The following SPTY2D1 variants were observed in gnomAD, a reference collection of about 807,000 sequenced individuals.
The protein encoded by SPTY2D1 is SPT2 chromatin protein domain containing 1.
Under a neutral mutation model 64.0 loss-of-function variants are expected in SPTY2D1, and 21 were observed. The ratio of observed to expected loss-of-function variants is 0.33; its 90% CI spans 0.23 to 0.47. SPTY2D1 has a LOEUF of 0.47. SPTY2D1 is among the 20% of genes least tolerant of loss of function. The pLI, the probability that SPTY2D1 is intolerant of heterozygous loss-of-function variation, is 1.00. For missense variants in SPTY2D1, 724 were observed against 837.2 expected (o/e 0.86, Z 1.67); for synonymous variants, 287 against 286.8 (o/e 1.00, Z -0.01).
intron 1 of SPTY2D1, 50 bp downstream of exon 1, chr11:18,634,148 G>A (rs1190901998): frequency 1.2e-6 from 2 of 1,607,178 alleles, no homozygotes; most frequent in East Asian, 2.2e-5. Context: ...CACACATTCC[G>A]AACTTGGAAG....
intron 1 of SPTY2D1, among the ~76,000 whole-genome samples, chr11:18,623,463 T>G (rs1854448893): frequency 1.0e-5 from 1 of 100,002 alleles, no homozygotes; most frequent in South Asian, 3.3e-4. Context: ...TGATGGTTAA[T>G]TTTATATGTC....
At chr11:18,631,604 A>AC (rs202014263) in intron 1 of SPTY2D1, among the ~76,000 whole-genome samples, 1,392 of 48,448 alleles carry the variant, frequency 0.029, 27 homozygotes, top group African/African-American at 0.071. Context: ...ATAGATAACA[A>AC]AAAAAAAAAA....
At chr11:18,628,921 C>A (rs1299031275) in intron 1 of SPTY2D1, among the ~76,000 whole-genome samples, 1 of 152,166 alleles carries the variant, frequency 6.6e-6, no homozygotes, top group Admixed American at 6.6e-5. Flanking sequence ...CAGACTACTT[C>A]AAGAATTTAC....
Position 18,608,434 on chromosome 11 carries a change from A to T in SPTY2D1, c.*1427T>A, listed in dbSNP as rs531363116. On this transcript the variant is annotated 3_prime_UTR_variant, in exon 6 of 6. Coordinates refer to ENST00000336349, the MANE Select transcript of SPTY2D1 (RefSeq NM_194285.3). The stretch of plus-strand genomic sequence containing the variant: ...CTGTTGAAGTATAAGGGCCTGTTGT[A>T]GGACAATCCCTCCTACTTCCTAATC... The T allele has an allele frequency of 6.6e-6, 1 of 152,320 alleles. No homozygotes were observed. Among genetic ancestry groups the T allele is most frequent in the Non-Finnish European group, 1.5e-5 (1 of 68,044 alleles). The allele number at this position is 152,320 out of a possible 1,614,324, so 9.4% of individuals were successfully genotyped here. A position where few individuals can be genotyped will look rare whatever the true frequency, so the allele number is the denominator to read the frequency against.
intron 1 of SPTY2D1, among the ~76,000 whole-genome samples, chr11:18,627,089 T>C (rs1253256885): frequency 6.6e-6 from 1 of 152,020 alleles, no homozygotes; most frequent in Middle Eastern, 3.2e-3. Flanking sequence ...CCTTATTTTT[T>C]TGTACCAGGC....
rs138793184 is a variant in SPTY2D1 at position 18,615,516 on chromosome 11, G to A, written c.758C>T (p.Ser253Phe). Reference sequence around the variant, plus strand: ...AGCATGAGGAAGGGGCATTCCTTTGGAAGAAGGATGCCTGTCTCCAGAACC... The same window carrying A: ...AGCATGAGGAAGGGGCATTCCTTTGAAAGAAGGATGCCTGTCTCCAGAACC... ...SKGSGDRHPS[S>F]KGMPLPHAEK... The change falls in exon 3 of 6, where the codon TCC becomes TTC. Residue 253 changes from serine (S) to phenylalanine (F), a missense_variant. Ser to Phe is a radical substitution (Grantham distance 155, BLOSUM62 -2). Transcript: ENST00000336349. The A allele has an allele frequency of 2.5e-3, 4,039 of 1,614,190 alleles. 9 individuals carry two copies. Among genetic ancestry groups the A allele is most frequent in the Non-Finnish European group, 3.1e-3 (3,689 of 1,180,036 alleles).
intron 1 of SPTY2D1, among the ~76,000 whole-genome samples, chr11:18,620,879 T>C (rs751558181): frequency 5.3e-4 from 62 of 116,002 alleles, no homozygotes; most frequent in Admixed American, 9.9e-4. Flanking sequence ...AGAGCAAGAC[T>C]CTATCTCAAA....
intron 1 of SPTY2D1, among the ~76,000 whole-genome samples, chr11:18,627,644 C>T (rs1279113635): frequency 2.0e-5 from 3 of 152,000 alleles, no homozygotes; most frequent in Non-Finnish European, 2.9e-5. Context: ...TTTGGGAGGC[C>T]GAGGGGGGTG....
chr11:18,612,594 C>T lies in SPTY2D1; in HGVS notation c.1712-106G>A. Reference sequence around the variant, plus strand: ...TCATTAAGATGGTATCCTTTAAAACCAGAGCAAGCAGGCTGGCCCTTAGCG... The same window carrying T: ...TCATTAAGATGGTATCCTTTAAAACTAGAGCAAGCAGGCTGGCCCTTAGCG... On this transcript the variant is annotated intron_variant, in intron 3 of 5. Transcript: ENST00000336349. The surrounding 1 kb of genome is among the most constrained non-coding windows in gnomAD (Gnocchi z 4.6). 3 of 1,022,356 alleles carry T rather than the reference C, an allele frequency of 2.9e-6. No individual in the cohort carries two copies. The highest frequency in any genetic ancestry group is 2.2e-5 in the South Asian group (1 of 46,366). 63.3% of individuals were successfully genotyped at this position (1,022,356 alleles called of 1,614,324 possible). A position where few individuals can be genotyped will look rare whatever the true frequency, so the allele number is the denominator to read the frequency against.
chr11:18,629,715 T>G (rs1159725109), intron 1 of SPTY2D1, among the ~76,000 whole-genome samples: 3 of 152,216 alleles, frequency 2.0e-5, no homozygotes, highest in African/African-American at 7.2e-5. Context: ...TTATTATATA[T>G]TCAGTTTTCC....
intron 1 of SPTY2D1, among the ~76,000 whole-genome samples, chr11:18,628,012 G>T (rs191594300): frequency 1.3e-5 from 2 of 152,142 alleles, no homozygotes; most frequent in Admixed American, 1.3e-4. Context: ...GGCATCACTG[G>T]ACTCCAGCCC....
chr11:18,613,840 C>G (rs1470417532), intron 3 of SPTY2D1, among the ~76,000 whole-genome samples: 1 of 152,066 alleles, frequency 6.6e-6, no homozygotes, highest in Non-Finnish European at 1.5e-5. Context: ...ACCATTATAA[C>G]AAGCAGAAAC....
chr11:18,631,775 G>A (rs1445018222), intron 1 of SPTY2D1, among the ~76,000 whole-genome samples: 2 of 152,160 alleles, frequency 1.3e-5, no homozygotes, highest in Non-Finnish European at 2.9e-5. Context: ...ATGTTTGAAA[G>A]TGTCCAAATT....
chr11:18,626,068 T>A (rs572685332), intron 1 of SPTY2D1, among the ~76,000 whole-genome samples: 2 of 152,252 alleles, frequency 1.3e-5, no homozygotes, highest in South Asian at 4.1e-4. Flanking sequence ...TCCACCCACC[T>A]CAGCTTCCCA....
intron 1 of SPTY2D1, among the ~76,000 whole-genome samples, chr11:18,618,006 G>A (rs1358655665): frequency 1.3e-5 from 2 of 152,148 alleles, no homozygotes. Context: ...TTTAAAAATA[G>A]CCTGCCTTAG....
In SPTY2D1 at chr11:18,613,433, G is replaced by A. The variant is rs11024733; in HGVS notation, c.1712-945C>T. On this transcript the variant is annotated intron_variant, in intron 3 of 5. Transcript: ENST00000336349. ...TTAATATGCATGGCTTGTCTCCCTA[G>A]CTTAGTTTCTCAACCTTAGCTCAAT... 1.6e-3 allele frequency among the ~76,000 whole-genome samples: 242 copies of A among 152,266 alleles called. 2 individuals carry two copies. The highest frequency in any genetic ancestry group is 3.4e-3 in the Middle Eastern group (1 of 294).
chr11:18,627,258 C>CAAAA (rs1192277676), intron 1 of SPTY2D1, among the ~76,000 whole-genome samples: 4 of 48,734 alleles, frequency 8.2e-5, no homozygotes, highest in African/African-American at 1.6e-4. Flanking sequence ...ACTAAAAATA[C>CAAAA]AAAAAAAAAA....
At position 18,608,575 on chromosome 11, in the gene SPTY2D1, T is replaced by C. The variant is rs1319932999; in HGVS notation, c.*1286A>G. 6.6e-6 allele frequency: 1 copy of C among 152,208 alleles called. No homozygotes were observed. Among genetic ancestry groups the C allele is most frequent in the Non-Finnish European group, 1.5e-5 (1 of 68,032 alleles). 9.4% of individuals were successfully genotyped at this position (152,208 alleles called of 1,614,324 possible). ...TGTACTTACAGTCAAGGACAAATGC[T>C]CTCTAGCATCATATCTCATTTTCTG... On this transcript the variant is annotated 3_prime_UTR_variant, in exon 6 of 6. Coordinates refer to ENST00000336349, the MANE Select transcript of SPTY2D1 (RefSeq NM_194285.3).
intron 1 of SPTY2D1, among the ~76,000 whole-genome samples, chr11:18,617,647 A>T (rs955862193): frequency 6.7e-6 from 1 of 150,326 alleles, no homozygotes; most frequent in African/African-American, 2.4e-5. Context: ...AAAAAAAAAA[A>T]AAATCTGATT....
Sources: allele counts gnomAD v4.1 joint callset (sites outside exome capture counted in the v4.1 genomes callset), GRCh38; gene constraint gnomAD v4.1.1; non-coding constraint Gnocchi (gnomAD v3.1); transcripts MANE v1.5; gene names NCBI Gene and HGNC (gene_info 2026-07-23, HGNC 2026-07-21).